ATP2B1: variants seen among roughly 807,000 people sequenced by gnomAD.
ATP2B1 encodes the protein ATPase plasma membrane Ca2+ transporting 1, also known as plasma membrane calcium-transporting ATPase 1.
A neutral mutation model predicts 124.2 loss-of-function variants in ATP2B1; 14 were observed. That is an observed-to-expected ratio of 0.11 (90% CI 0.07 to 0.18). The LOEUF is 0.18. Among genes scored for constraint, ATP2B1 ranks in the 10% least tolerant of loss-of-function variants. The probability of loss-of-function intolerance (pLI) is 1.00; values close to 1 mark genes in which losing one functional copy is unlikely to be tolerated. For synonymous variants in ATP2B1, 449 were observed against 492.4 expected (o/e 0.91, Z 1.17); for missense variants, 763 against 1,466.1 (o/e 0.52, Z 7.83).
intron 1 of ATP2B1, among the ~76,000 whole-genome samples, chr12:89,685,274 A>C (rs767048683): frequency 6.6e-6 from 1 of 152,130 alleles, no homozygotes; most frequent in Non-Finnish European, 1.5e-5. Context: ...TTAACCTCCA[A>C]TCAAAGGATC....
intron 2 of ATP2B1, among the ~76,000 whole-genome samples, chr12:89,648,716 G>A (rs1884838165): frequency 6.6e-6 from 1 of 152,244 alleles, no homozygotes; most frequent in African/African-American, 2.4e-5. Flanking sequence ...AAGGCAATGA[G>A]AAAAAGGCCT....
intron 5 of ATP2B1, among the ~76,000 whole-genome samples, chr12:89,631,605 GCCTACT>G (rs1881868194): frequency 6.6e-6 from 1 of 151,972 alleles, no homozygotes; most frequent in South Asian, 2.1e-4. Context: ...ATTCTTCGTT[GCCTACT>G]GGATTGAGTC....
intron 1 of ATP2B1, among the ~76,000 whole-genome samples, chr12:89,669,920 G>C (rs577731462): frequency 1.3e-5 from 2 of 152,106 alleles, no homozygotes; most frequent in Non-Finnish European, 2.9e-5. Flanking sequence ...CAAGAGGGAG[G>C]TATTACGTAT....
At chr12:89,594,702 A>G (rs1447239026) in intron 20 of ATP2B1, 1 of 151,908 alleles carries the variant, frequency 6.6e-6, no homozygotes, top group African/African-American at 2.4e-5. Flanking sequence ...ATCAAGGTAA[A>G]CAATATATGA....
intron 3 of ATP2B1, among the ~76,000 whole-genome samples, chr12:89,636,213 T>C (rs1295034115): frequency 1.3e-5 from 2 of 150,502 alleles, no homozygotes; most frequent in African/African-American, 4.9e-5. Context: ...GAAAAGGATG[T>C]GGGGTGGGAG....
intron 20 of ATP2B1, among the ~76,000 whole-genome samples, chr12:89,592,319 T>C (rs1269775504): frequency 1.3e-5 from 2 of 152,090 alleles, no homozygotes; most frequent in Non-Finnish European, 2.9e-5. Flanking sequence ...TCCTGTTTAG[T>C]AATAAAGACA....
intron 2 of ATP2B1, among the ~76,000 whole-genome samples, chr12:89,654,976 T>C (rs1205892244): frequency 2.0e-5 from 3 of 152,184 alleles, no homozygotes; most frequent in Non-Finnish European, 4.4e-5. Context: ...ATCTGATTAA[T>C]TTATGAAAGG....
At chr12:89,699,871 G>C (rs1370972013) in intron 1 of ATP2B1, among the ~76,000 whole-genome samples, 6 of 152,076 alleles carry the variant, frequency 3.9e-5, no homozygotes, top group African/African-American at 1.4e-4. Flanking sequence ...GACAGAGACG[G>C]TCTCCCTCTG....
At position 89,603,348 on chromosome 12, in the gene ATP2B1, G is replaced by T; in HGVS notation, c.2849-94C>A. 1 of 1,026,978 alleles carries T rather than the reference G, an allele frequency of 9.7e-7. No homozygotes were observed. Among genetic ancestry groups the T allele is most frequent in the Non-Finnish European group, 1.4e-6 (1 of 723,276 alleles). The allele number at this position is 1,026,978 out of a possible 1,614,324, so 63.6% of individuals were successfully genotyped here. On this transcript the variant is annotated intron_variant, in intron 17 of 20. Transcript: ENST00000428670. The surrounding 1 kb of genome is among the most constrained non-coding windows in gnomAD (Gnocchi z 4.3). ...TACAACTTAGCTAGACCTTTTATTT[G>T]ATCTGAAATGGCAGCATGGAAGGAG...
rs765797221 is a variant in ATP2B1 at position 89,655,617 on chromosome 12, T to G, written c.208+62A>C. 13 of 1,493,198 alleles carry G rather than the reference T, an allele frequency of 8.7e-6. No individual in the cohort carries two copies. In the South Asian group the frequency reaches 1.3e-4, roughly 15 times the overall value. The allele number at this position is 1,493,198 out of a possible 1,614,324, so 92.5% of individuals were successfully genotyped here. On this transcript the variant is annotated intron_variant, in intron 2 of 20. Coordinates refer to ENST00000428670, the MANE Select transcript of ATP2B1 (RefSeq NM_001366521.1). ...CCAAGATAATATAAGCATGCTCATT[T>G]ATAAGCCAAATATATAGAACTCTTT...
intron 19 of ATP2B1, among the ~76,000 whole-genome samples, chr12:89,600,282 A>G (rs1875530839): frequency 6.6e-6 from 1 of 152,258 alleles, no homozygotes; most frequent in Non-Finnish European, 1.5e-5. Context: ...TTGCAGAATG[A>G]CAATAAATTA....
intron 1 of ATP2B1, among the ~76,000 whole-genome samples, chr12:89,691,861 T>C (rs1890593943): frequency 1.3e-5 from 2 of 152,134 alleles, no homozygotes; most frequent in African/African-American, 4.8e-5. Context: ...AAGCCTATAA[T>C]TAAGAAGTAA....
At chr12:89,649,633 A>G (rs574194803) in intron 2 of ATP2B1, among the ~76,000 whole-genome samples, 1 of 152,326 alleles carries the variant, frequency 6.6e-6, no homozygotes, top group Non-Finnish European at 1.5e-5. Context: ...GTATTAGTTA[A>G]AACTTTGGGA....
chr12:89,687,012 G>C (rs907265990), intron 1 of ATP2B1, among the ~76,000 whole-genome samples: 4 of 151,446 alleles, frequency 2.6e-5, no homozygotes, highest in Non-Finnish European at 5.9e-5. Flanking sequence ...TATTCGGGGG[G>C]AAAAAAAAGG....
At chr12:89,669,661 TAA>T (rs777216761) in intron 1 of ATP2B1, among the ~76,000 whole-genome samples, 7 of 152,148 alleles carry the variant, frequency 4.6e-5, no homozygotes, top group Admixed American at 6.6e-5. Flanking sequence ...TGGCACTTAA[TAA>T]AAAACAGTCA....
chr12:89,592,564 T>G (rs1018516637), intron 20 of ATP2B1, among the ~76,000 whole-genome samples: 12 of 152,050 alleles, frequency 7.9e-5, no homozygotes. Context: ...TTAGTCCATA[T>G]TCACTTAGCC....
At chr12:89,630,410 T>C (rs575044957) in intron 6 of ATP2B1, 95 bp downstream of exon 6, 39 of 1,163,178 alleles carry the variant, frequency 3.4e-5, no homozygotes, top group Non-Finnish European at 4.3e-5. Flanking sequence ...TTTTGTAGAA[T>C]TTTTCATACC....
At chr12:89,681,094 T>C (rs1207233945) in intron 1 of ATP2B1, among the ~76,000 whole-genome samples, 1 of 152,144 alleles carries the variant, frequency 6.6e-6, no homozygotes. Flanking sequence ...AAATGACTAA[T>C]GGCAAGCATT....
intron 1 of ATP2B1, among the ~76,000 whole-genome samples, chr12:89,684,900 A>G (rs186809960): frequency 9.9e-5 from 15 of 152,190 alleles, no homozygotes; most frequent in African/African-American, 3.6e-4. Flanking sequence ...GTATTTCTAC[A>G]GAAAAATTCA....
Sources: allele counts gnomAD v4.1 joint callset (sites outside exome capture counted in the v4.1 genomes callset), GRCh38; gene constraint gnomAD v4.1.1; non-coding constraint Gnocchi (gnomAD v3.1); transcripts MANE v1.5; gene names NCBI Gene and HGNC (gene_info 2026-07-23, HGNC 2026-07-21).